IL1RAPL1: variants seen among roughly 807,000 people sequenced by gnomAD.
IL1RAPL1 encodes the protein interleukin 1 receptor accessory protein like 1, also known as interleukin-1 receptor accessory protein-like 1.
In IL1RAPL1, 3 loss-of-function variants were observed where a neutral mutation model predicts 48.4. That is an observed-to-expected ratio of 0.06 (90% CI 0.03 to 0.16). IL1RAPL1 has a LOEUF of 0.16. Among genes scored for constraint, IL1RAPL1 ranks in the 10% least tolerant of loss-of-function variants. The pLI, the probability that IL1RAPL1 is intolerant of heterozygous loss-of-function variation, is 1.00. For missense variants in IL1RAPL1, 349 were observed against 530.6 expected, an observed-to-expected ratio of 0.66 and a Z score of 3.36; for synonymous variants, 185 against 187.7, an observed-to-expected ratio of 0.99 and a Z score of 0.12.
At chrX:29,686,529 C>G (rs1926622825) in intron 6 of IL1RAPL1, among the ~76,000 whole-genome samples, 1 of 85,887 alleles carries the variant, frequency 1.2e-5, no homozygotes, top group Non-Finnish European at 2.3e-5. Context: ...CCCCACCCCC[C>G]TAAAGATTTA....
intron 6 of IL1RAPL1, among the ~76,000 whole-genome samples, chrX:29,801,087 T>A (rs1245568978): frequency 1.5e-5 from 1 of 66,072 alleles, no homozygotes. Context: ...AAAACTCATC[T>A]TTTAATGTTA....
At chrX:28,842,248 C>T (rs1011390359) in intron 2 of IL1RAPL1, among the ~76,000 whole-genome samples, 9 of 109,717 alleles carry the variant, frequency 8.2e-5, no homozygotes, top group African/African-American at 3.0e-4. Flanking sequence ...GCTGAAGTAA[C>T]CAGAGTTGGG....
chrX:29,139,643 C>T (rs750065074), intron 2 of IL1RAPL1, among the ~76,000 whole-genome samples: 8 of 111,401 alleles, frequency 7.2e-5, no homozygotes, highest in African/African-American at 2.6e-4. Context: ...CATGTGGCAG[C>T]TCTCTATGGT....
chrX:29,715,056 G>A (rs1043142080), intron 6 of IL1RAPL1, among the ~76,000 whole-genome samples: 1 of 112,030 alleles, frequency 8.9e-6, no homozygotes, highest in Non-Finnish European at 1.9e-5. Flanking sequence ...GCTTTGGGAT[G>A]TGAAGGATTT....
chrX:29,747,892 A>G (rs771375432), intron 6 of IL1RAPL1, among the ~76,000 whole-genome samples: 2 of 112,352 alleles, frequency 1.8e-5, no homozygotes, highest in African/African-American at 6.4e-5. Flanking sequence ...AAAACAAATC[A>G]GGCCATTTCA....
chrX:29,189,705 T>C (rs1176215468), intron 2 of IL1RAPL1, among the ~76,000 whole-genome samples: 1 of 111,623 alleles, frequency 9.0e-6, no homozygotes, highest in Non-Finnish European at 1.9e-5. Flanking sequence ...GCTCAATTTT[T>C]ATATATACGT....
intron 1 of IL1RAPL1, among the ~76,000 whole-genome samples, chrX:28,664,097 A>G (rs1197053477): frequency 1.8e-5 from 2 of 112,329 alleles, no homozygotes; most frequent in Non-Finnish European, 3.8e-5. Context: ...CAAAGTATGC[A>G]TAATTATAGT....
intron 2 of IL1RAPL1, among the ~76,000 whole-genome samples, chrX:29,116,292 T>C (rs2147473801): frequency 9.0e-6 from 1 of 110,629 alleles, no homozygotes; most frequent in African/African-American, 3.3e-5. Flanking sequence ...GGAAGATTAA[T>C]CTGATGCAGT....
At chrX:29,223,840 G>A (rs1931030261) in intron 2 of IL1RAPL1, among the ~76,000 whole-genome samples, 1 of 110,915 alleles carries the variant, frequency 9.0e-6, no homozygotes, top group Non-Finnish European at 1.9e-5. Flanking sequence ...ACTGCACCCA[G>A]CCTATTATGT....
At chrX:29,274,739 C>T (rs1159061074) in intron 2 of IL1RAPL1, among the ~76,000 whole-genome samples, 1 of 111,594 alleles carries the variant, frequency 9.0e-6, no homozygotes, top group Non-Finnish European at 1.9e-5. Context: ...AGTAAGCTAA[C>T]AAACAAGACT....
chrX:29,265,911 A>G (rs1931948783), intron 2 of IL1RAPL1, among the ~76,000 whole-genome samples: 1 of 110,226 alleles, frequency 9.1e-6, no homozygotes, highest in Non-Finnish European at 1.9e-5. Context: ...CAAAACCACA[A>G]TGAGATACTA....
intron 3 of IL1RAPL1, among the ~76,000 whole-genome samples, chrX:29,310,112 AAAAAAAAAAAAAAAAAAGAAAGG>A (rs1932694242): frequency 1.2e-5 from 1 of 86,083 alleles, no homozygotes; most frequent in African/African-American, 5.2e-5. Context: ...AAAAAAAAAA[AAAAAAAAAAAAAAAAAAGAAAGG>A]AAAAAAAAAA....
intron 2 of IL1RAPL1, among the ~76,000 whole-genome samples, chrX:29,206,109 T>C (rs1218393012): frequency 9.0e-6 from 1 of 111,661 alleles, no homozygotes; most frequent in Non-Finnish European, 1.9e-5. Flanking sequence ...GAGAAAGTAA[T>C]TACCTGATCT....
chrX:29,834,464 C>T (rs1043668008), intron 6 of IL1RAPL1, among the ~76,000 whole-genome samples: 1 of 108,791 alleles, frequency 9.2e-6, no homozygotes, highest in African/African-American at 3.4e-5. Flanking sequence ...AACGCTACCC[C>T]TTGCCAAGAG....
chrX:29,749,513 A>C (rs766391559), intron 6 of IL1RAPL1, among the ~76,000 whole-genome samples: 1 of 111,918 alleles, frequency 8.9e-6, no homozygotes, highest in East Asian at 2.8e-4. Flanking sequence ...TAATTTTAAA[A>C]ATGAAAATGC....
chrX:28,725,028 T>G (rs1226939042), intron 1 of IL1RAPL1, among the ~76,000 whole-genome samples: 1 of 104,082 alleles, frequency 9.6e-6, no homozygotes, highest in Non-Finnish European at 2.0e-5. Context: ...CTCGGCTCAC[T>G]GCAAGCTCTG....
chrX:29,393,130 G>A (rs1026800021), intron 3 of IL1RAPL1, among the ~76,000 whole-genome samples: 5 of 105,386 alleles, frequency 4.7e-5, no homozygotes, highest in African/African-American at 1.7e-4. Context: ...ACTTTCCCTA[G>A]TTTTCTGTTT....
At chrX:29,024,803 G>C (rs775224279) in intron 2 of IL1RAPL1, among the ~76,000 whole-genome samples, 3 of 111,685 alleles carry the variant, frequency 2.7e-5, no homozygotes, top group African/African-American at 6.5e-5. Flanking sequence ...GCATTATCAT[G>C]ATATAATTCA....
At chrX:29,826,245 A>G (rs1276182226) in intron 6 of IL1RAPL1, among the ~76,000 whole-genome samples, 1 of 111,296 alleles carries the variant, frequency 9.0e-6, no homozygotes, top group Non-Finnish European at 1.9e-5. Flanking sequence ...TGTCCTTTGG[A>G]AAAAAAATTT....
Sources: gnomAD v4.1 joint callset for allele counts (sites outside exome capture counted in the v4.1 genomes callset) on GRCh38, gnomAD v4.1.1 for gene constraint, MANE v1.5 for transcripts, NCBI Gene and HGNC (gene_info 2026-07-23, HGNC 2026-07-21) for gene names.